The following RTN4RL2 variants were observed in gnomAD, a reference collection of about 807,000 sequenced individuals.
RTN4RL2 encodes reticulon 4 receptor like 2, also known as reticulon-4 receptor-like 2.
In RTN4RL2, 9 loss-of-function variants were observed where a neutral mutation model predicts 27.8. The observed-to-expected ratio is 0.32, with a 90% CI of 0.20 to 0.57. The LOEUF is 0.57. Ranked by LOEUF, RTN4RL2 falls within the 20% of genes least tolerant of loss-of-function variation. RTN4RL2 has a pLI of 0.90. For synonymous variants in RTN4RL2, 285 were observed against 297.9 expected, an observed-to-expected ratio of 0.96 and a Z score of 0.45; for missense variants, 436 against 596.8, an observed-to-expected ratio of 0.73 and a Z score of 2.81.
At chr11:57,465,528 A>G (rs575296620) in intron 1 of RTN4RL2, among the ~76,000 whole-genome samples, 2 of 152,192 alleles carry the variant, frequency 1.3e-5, no homozygotes, top group Non-Finnish European at 2.9e-5. Context: ...GAAGGTGTTC[A>G]GTCACTGTGT....
At chr11:57,464,398 G>T (rs1281959816) in intron 1 of RTN4RL2, among the ~76,000 whole-genome samples, 1 of 152,208 alleles carries the variant, frequency 6.6e-6, no homozygotes, top group African/African-American at 2.4e-5. Flanking sequence ...CTGGGGGAAA[G>T]CTCTGTAATC....
At position 57,476,827 on chromosome 11, in the gene RTN4RL2, C is replaced by T. The variant is rs1943600160; in HGVS notation, c.1179C>T (p.Pro393=). The change falls in exon 3 of 3, where the codon CCC becomes CCT. Residue 393 remains proline, a synonymous_variant. Transcript: ENST00000335099. The surrounding 1 kb of genome is among the most constrained non-coding windows in gnomAD (Gnocchi z 8.2). ...QMCPGAACQA[P]PDSRGPALSA... ...GCCCCGGCGCTGCCTGCCAGGCGCC[C>T]CCGGACTCCCGAGGCCCTGCGCTCT... 1.3e-6 allele frequency: 2 copies of T among 1,558,032 alleles called. No homozygotes were observed. Among genetic ancestry groups the T allele is most frequent in the African/African-American group, 1.4e-5 (1 of 70,844 alleles).
intron 1 of RTN4RL2, 32 bp downstream of exon 1, chr11:57,460,928 C>T: frequency 7.4e-7 from 1 of 1,350,044 alleles, no homozygotes. Flanking sequence ...GAGCGGAGGG[C>T]ATCCTGGGGA....
chr11:57,465,296 A>T (rs1046169419), intron 1 of RTN4RL2, among the ~76,000 whole-genome samples: 1 of 152,190 alleles, frequency 6.6e-6, no homozygotes, highest in Non-Finnish European at 1.5e-5. Context: ...ACAGATACAT[A>T]CACACATTCA....
intron 2 of RTN4RL2, chr11:57,468,585 CA>C: frequency 6.5e-7 from 1 of 1,536,744 alleles, no homozygotes; most frequent in Admixed American, 2.0e-5. Context: ...AAGGCCTTTG[CA>C]GCTGTTTTTC....
At chr11:57,468,825 A>G (rs1943544149) in intron 2 of RTN4RL2, 1 of 1,170,562 alleles carries the variant, frequency 8.5e-7, no homozygotes, top group African/African-American at 1.5e-5. Flanking sequence ...GATGCTCTGA[A>G]AATGGAAGGA....
intron 2 of RTN4RL2, chr11:57,468,652 C>T (rs1005334998): frequency 6.5e-6 from 10 of 1,536,174 alleles, no homozygotes; most frequent in Non-Finnish European, 8.7e-6. Flanking sequence ...AAGGCAGAGC[C>T]ACAGCCACTG....
In RTN4RL2 at chr11:57,460,721, A is replaced by C; in HGVS notation, c.-145A>C. 1.4e-5 allele frequency: 5 copies of C among 355,642 alleles called. No homozygotes were observed. Among genetic ancestry groups the C allele is most frequent in the Non-Finnish European group, 2.6e-5 (5 of 194,700 alleles). 22.0% of individuals were successfully genotyped at this position (355,642 alleles called of 1,614,324 possible). On this transcript the variant is annotated 5_prime_UTR_variant, in exon 1 of 3. It removes the in-frame stop codon of an upstream open reading frame in the 5' UTR. Coordinates refer to ENST00000335099, the MANE Select transcript of RTN4RL2 (RefSeq NM_178570.3). ...GCCCGCAGCCCGGGCGGCGCAGGGT[A>C]GAGCGCCGCGGCCCGGCCACGCAGC...
Position 57,467,512 on chromosome 11 carries a change from C to T in RTN4RL2, c.32-97C>T, listed in dbSNP as rs1943534766. ...TACAGGTGTGAGCCACCATATTCAG[C>T]CGGGTCTAGGCCTTTTACCAAGTTG... On this transcript the variant is annotated intron_variant, in intron 1 of 2. Transcript: ENST00000335099. This position sits in a 1 kb window ranked among gnomAD's most constrained non-coding sequence, Gnocchi z 5.5. 2 of 1,512,266 alleles carry T rather than the reference C, an allele frequency of 1.3e-6. No individual in the cohort carries two copies. Among genetic ancestry groups the T allele is most frequent in the Non-Finnish European group, 1.8e-6 (2 of 1,137,422 alleles). 93.7% of individuals were successfully genotyped at this position (1,512,266 alleles called of 1,614,324 possible).
intron 2 of RTN4RL2, among the ~76,000 whole-genome samples, chr11:57,475,600 G>A (rs1216340575): frequency 2.6e-5 from 4 of 151,100 alleles, no homozygotes; most frequent in Non-Finnish European, 5.9e-5. Context: ...AACTCCACAA[G>A]GAAAGGTGTT....
At chr11:57,474,240 G>T (rs1196162151) in intron 2 of RTN4RL2, among the ~76,000 whole-genome samples, 2 of 152,106 alleles carry the variant, frequency 1.3e-5, no homozygotes, top group Non-Finnish European at 2.9e-5. Flanking sequence ...AGAGGCAGCC[G>T]AGAAGGTTGA....
At position 57,476,086 on chromosome 11, in the gene RTN4RL2, G is replaced by C. The variant is rs946520999; in HGVS notation, c.514-76G>C. 2.8e-6 allele frequency: 4 copies of C among 1,432,134 alleles called. No homozygotes were observed. The highest frequency in any genetic ancestry group is 1.4e-5 in the African/African-American group (1 of 70,104). 88.7% of individuals were successfully genotyped at this position (1,432,134 alleles called of 1,614,324 possible). A position where few individuals can be genotyped will look rare whatever the true frequency, so the allele number is the denominator to read the frequency against. ...CACGGTGCACCCCCTTCCCTCCCCC[G>C]GCCAAGGCCCCAGCGGGGTCTGCAC... is the stretch of plus-strand genomic sequence containing the variant. On this transcript the variant is annotated intron_variant, in intron 2 of 2. Coordinates refer to ENST00000335099, the MANE Select transcript of RTN4RL2 (RefSeq NM_178570.3). The surrounding 1 kb of genome is among the most constrained non-coding windows in gnomAD (Gnocchi z 8.2).
chr11:57,476,100 C>A lies in RTN4RL2; in HGVS notation c.514-62C>A. The stretch of plus-strand genomic sequence containing the variant: ...TTCCCTCCCCCGGCCAAGGCCCCAG[C>A]GGGGTCTGCACCCTACCTCAGGCCC... On this transcript the variant is annotated intron_variant, in intron 2 of 2. Coordinates refer to ENST00000335099, the MANE Select transcript of RTN4RL2 (RefSeq NM_178570.3). This position sits in a 1 kb window ranked among gnomAD's most constrained non-coding sequence, Gnocchi z 8.2. 1.3e-6 allele frequency: 2 copies of A among 1,496,034 alleles called. No individual in the cohort carries two copies. The highest frequency in any genetic ancestry group is 1.8e-6 in the Non-Finnish European group (2 of 1,105,524). 92.7% of individuals were successfully genotyped at this position (1,496,034 alleles called of 1,614,324 possible). A position where few individuals can be genotyped will look rare whatever the true frequency, so the allele number is the denominator to read the frequency against.
intron 2 of RTN4RL2, among the ~76,000 whole-genome samples, chr11:57,475,180 C>T (rs972418768): frequency 6.6e-6 from 1 of 152,200 alleles, no homozygotes; most frequent in Non-Finnish European, 1.5e-5. Context: ...ATCCAACCCT[C>T]CTTTAGCCTG....
At chr11:57,465,832 T>C (rs935674958) in intron 1 of RTN4RL2, among the ~76,000 whole-genome samples, 12 of 150,614 alleles carry the variant, frequency 8.0e-5, no homozygotes, top group Non-Finnish European at 1.5e-4. Context: ...TATCCAACCT[T>C]CAAAAGTTAC....
At chr11:57,461,293 A>C (rs939977956) in intron 1 of RTN4RL2, among the ~76,000 whole-genome samples, 2 of 151,984 alleles carry the variant, frequency 1.3e-5, no homozygotes, top group African/African-American at 4.8e-5. Flanking sequence ...GGAAGACAGG[A>C]GATGTGGGTA....
intron 1 of RTN4RL2, among the ~76,000 whole-genome samples, chr11:57,466,901 C>T (rs1943529534): frequency 6.6e-6 from 1 of 152,212 alleles, no homozygotes; most frequent in Non-Finnish European, 1.5e-5. Flanking sequence ...CTGCTAAATG[C>T]CTTATATAGG....
intron 2 of RTN4RL2, among the ~76,000 whole-genome samples, chr11:57,470,271 G>A (rs138292778): frequency 7.3e-4 from 110 of 151,290 alleles, no homozygotes; most frequent in African/African-American, 2.3e-3. Flanking sequence ...TTTTTGAGAC[G>A]ACGTCCCACT....
At chr11:57,471,517 AC>A (rs1943562359) in intron 2 of RTN4RL2, among the ~76,000 whole-genome samples, 2 of 152,222 alleles carry the variant, frequency 1.3e-5, no homozygotes, top group Non-Finnish European at 2.9e-5. Context: ...CTGCCTGTGA[AC>A]TGCCTGGTAG....
Sources: allele counts gnomAD v4.1 joint callset (sites outside exome capture counted in the v4.1 genomes callset), GRCh38; gene constraint gnomAD v4.1.1; non-coding constraint Gnocchi (gnomAD v3.1); transcripts MANE v1.5; gene names NCBI Gene and HGNC (gene_info 2026-07-23, HGNC 2026-07-21).